The following PACSIN2 variants were observed in gnomAD, a reference collection of about 807,000 sequenced individuals.
PACSIN2 encodes protein kinase C and casein kinase substrate in neurons protein 2.
In PACSIN2, 25 loss-of-function variants were observed where a neutral mutation model predicts 63.8. That is an observed-to-expected ratio of 0.39 (90% confidence interval 0.29 to 0.55). PACSIN2 has a LOEUF of 0.55. Among genes scored for constraint, PACSIN2 ranks in the 20% least tolerant of loss-of-function variants. PACSIN2 has a pLI of 0.62. For synonymous variants in PACSIN2, 255 were observed against 256.2 expected (o/e 1.00, Z 0.05); for missense variants, 518 against 646.9 (o/e 0.80, Z 2.16).
intron 10 of PACSIN2, 75 bp downstream of exon 10, chr22:42,876,062 A>G: frequency 7.4e-7 from 1 of 1,354,930 alleles, no homozygotes; most frequent in South Asian, 1.4e-5. Context: ...TTCCAGACTT[A>G]AAAAACAAAA....
At chr22:42,987,950 G>A (rs1217452216) in intron 1 of PACSIN2, among the ~76,000 whole-genome samples, 1 of 151,956 alleles carries the variant, frequency 6.6e-6, no homozygotes, top group East Asian at 2.0e-4. Flanking sequence ...AGACCAGCCT[G>A]GCCAACATGG....
chr22:43,005,748 G>A (rs1211948479), intron 1 of PACSIN2, among the ~76,000 whole-genome samples: 1 of 152,140 alleles, frequency 6.6e-6, no homozygotes, highest in Non-Finnish European at 1.5e-5. Flanking sequence ...CACACATGCT[G>A]GGCTCCTGGG....
intron 7 of PACSIN2, among the ~76,000 whole-genome samples, chr22:42,879,376 C>G (rs1928903217): frequency 6.6e-6 from 1 of 152,256 alleles, no homozygotes; most frequent in African/African-American, 2.4e-5. Flanking sequence ...CCCCTCCTCA[C>G]TGTTCAAAGC....
At chr22:42,995,249 G>A (rs1923318647) in intron 1 of PACSIN2, among the ~76,000 whole-genome samples, 1 of 152,242 alleles carries the variant, frequency 6.6e-6, no homozygotes, top group African/African-American at 2.4e-5. Context: ...TCCAGAGGAG[G>A]AGCTCTGCTT....
chr22:42,924,265 G>A (rs779764091), intron 1 of PACSIN2, among the ~76,000 whole-genome samples: 1 of 152,090 alleles, frequency 6.6e-6, no homozygotes, highest in Admixed American at 6.5e-5. Context: ...CCTCTCCTTT[G>A]TGTGGCTGCA....
chr22:42,921,754 T>TA (rs398121850), intron 1 of PACSIN2, among the ~76,000 whole-genome samples: 33 of 151,922 alleles, frequency 2.2e-4, no homozygotes, highest in African/African-American at 8.0e-4. Flanking sequence ...TTTTTTTTTT[T>TA]AGACAGAATC....
intron 1 of PACSIN2, among the ~76,000 whole-genome samples, chr22:42,997,934 C>T (rs5759080): frequency 0.61 from 92,517 of 152,018 alleles, 28,727 homozygotes; most frequent in East Asian, 0.78. Flanking sequence ...GTTCCACCCA[C>T]GTGTCTCAGA....
chr22:42,921,847 T>C (rs1569274816), intron 1 of PACSIN2, among the ~76,000 whole-genome samples: 1 of 152,006 alleles, frequency 6.6e-6, no homozygotes, highest in Non-Finnish European at 1.5e-5. Context: ...CAGGCGATTC[T>C]CCTGCCTCAG....
At chr22:42,904,493 G>T (rs564442582) in intron 2 of PACSIN2, among the ~76,000 whole-genome samples, 9 of 152,184 alleles carry the variant, frequency 5.9e-5, no homozygotes, top group African/African-American at 2.2e-4. Context: ...TCACCTGCCC[G>T]GTCCCTAAGC....
intron 1 of PACSIN2, among the ~76,000 whole-genome samples, chr22:42,930,446 C>T (rs1007903088): frequency 1.1e-4 from 17 of 152,156 alleles, no homozygotes; most frequent in African/African-American, 3.9e-4. Flanking sequence ...CAGAGCCTAG[C>T]ACAGATGAGG....
chr22:42,914,211 C>T (rs1296651930), intron 1 of PACSIN2, among the ~76,000 whole-genome samples: 2 of 152,176 alleles, frequency 1.3e-5, no homozygotes, highest in Non-Finnish European at 2.9e-5. Flanking sequence ...GGCCACCTGG[C>T]CTGGGCCCTG....
At chr22:42,872,134 T>G (rs1928197658) in intron 10 of PACSIN2, among the ~76,000 whole-genome samples, 1 of 152,242 alleles carries the variant, frequency 6.6e-6, no homozygotes, top group Non-Finnish European at 1.5e-5. Flanking sequence ...CTGAAGGACC[T>G]CCTACTTCTG....
rs1399411321 is a variant in PACSIN2, at chr22:42,876,262, G to A, written c.1223C>T (p.Ser408Phe). ...CGAGTCCCCATTGGCATCCGTGGAG[G>A]AGAAGGGGTTGTTAGACTCATCGTC... ...WSDDESNNPF[S>F]STDANGDSNP... Residue 408 changes from serine to phenylalanine, a missense_variant, in exon 10 of 11, where the codon TCC becomes TTC. By Grantham distance (155) the Ser-to-Phe change is radical. Coordinates refer to ENST00000263246, the MANE Select transcript of PACSIN2 (RefSeq NM_001184970.3). The A allele has an allele frequency of 1.2e-6, 2 of 1,614,214 alleles. No individual in the cohort carries two copies. Among genetic ancestry groups the A allele is most frequent in the Admixed American group, 1.7e-5 (1 of 60,024 alleles).
At chr22:43,011,175 C>A (rs1398524414) in intron 1 of PACSIN2, among the ~76,000 whole-genome samples, 2 of 152,146 alleles carry the variant, frequency 1.3e-5, no homozygotes, top group African/African-American at 4.8e-5. Flanking sequence ...GGATCAGTGC[C>A]CTGGCCATAA....
At chr22:42,968,129 T>C (rs1327245127) in intron 1 of PACSIN2, among the ~76,000 whole-genome samples, 1 of 152,204 alleles carries the variant, frequency 6.6e-6, no homozygotes, top group South Asian at 2.1e-4. Flanking sequence ...GCTGCAACCC[T>C]GGCTCCCTCT....
rs1180998424 is a variant in PACSIN2, at chr22:42,882,193, C to T, written c.897G>A (p.Pro299=). ...NHGPGMAMNW[P]QFEEWSADLN... ...CACACCCTCCTCTTACCTCAAACTGCGGCCAGTTCATGGCCATGCCCGGCC... is the reference window on the plus strand; with the variant it reads ...CACACCCTCCTCTTACCTCAAACTGTGGCCAGTTCATGGCCATGCCCGGCC... Residue 299 remains proline, a synonymous_variant, in exon 7 of 11, where the codon CCG becomes CCA. Coordinates refer to ENST00000263246, the MANE Select transcript of PACSIN2 (RefSeq NM_001184970.3). The T allele has an allele frequency of 5.6e-6, 9 of 1,613,920 alleles. No homozygotes were observed. The highest frequency in any genetic ancestry group is 3.3e-5 in the South Asian group (3 of 91,092).
At chr22:42,964,396 C>T (rs1023433994) in intron 1 of PACSIN2, among the ~76,000 whole-genome samples, 15 of 142,384 alleles carry the variant, frequency 1.1e-4, no homozygotes, top group Admixed American at 6.6e-4. Context: ...CCAGCCTGGG[C>T]GACAGAGCGA....
At chr22:42,987,169 C>T (rs1356393903) in intron 1 of PACSIN2, among the ~76,000 whole-genome samples, 1 of 152,148 alleles carries the variant, frequency 6.6e-6, no homozygotes, top group East Asian at 1.9e-4. Flanking sequence ...CAAACCCTGA[C>T]TCTGTCACTT....
chr22:42,912,039 G>A lies in PACSIN2; in HGVS notation c.42C>T (p.Ser14=). The part of the protein sequence containing the change: ...TYDDSVGVEV[S]SDSFWEVGNY... ...GCATTACCTCCCAGAAGCTGTCGCT[G>A]GACACTTCTACTCCAACGGAATCAT... The change falls in exon 2 of 11, where the codon TCC becomes TCT. Residue 14 remains serine, a synonymous_variant. Coordinates refer to ENST00000263246, the MANE Select transcript of PACSIN2 (RefSeq NM_001184970.3). 2 of 1,606,588 alleles carry A rather than the reference G, an allele frequency of 1.2e-6. No individual in the cohort carries two copies. Among genetic ancestry groups the A allele is most frequent in the Non-Finnish European group, 1.7e-6 (2 of 1,176,974 alleles).
Sources: gnomAD v4.1 joint callset for allele counts (sites outside exome capture counted in the v4.1 genomes callset) on GRCh38, gnomAD v4.1.1 for gene constraint, MANE v1.5 for transcripts, NCBI Gene and HGNC (gene_info 2026-07-23, HGNC 2026-07-21) for gene names.